Variants in GRM1 observed in about 807,000 individuals in gnomAD.
The protein encoded by GRM1 is glutamate metabotropic receptor 1.
Under a neutral mutation model 90.9 loss-of-function variants are expected in GRM1, and 33 were observed. The observed-to-expected ratio is 0.36, with a 90% CI of 0.28 to 0.49. The LOEUF (loss-of-function observed/expected upper bound fraction) is 0.49. Ranked by LOEUF, GRM1 falls within the 20% of genes least tolerant of loss-of-function variation. The probability of loss-of-function intolerance (pLI) is 0.99; values close to 1 mark genes in which losing one functional copy is unlikely to be tolerated. For synonymous variants in GRM1, 700 were observed against 613.2 expected, an observed-to-expected ratio of 1.14 and a Z score of -2.09; for missense variants, 1,190 against 1,534.3, an observed-to-expected ratio of 0.78 and a Z score of 3.75.
chr6:146,221,900 T>A (rs1275067603), intron 2 of GRM1, among the ~76,000 whole-genome samples: 1 of 152,172 alleles, frequency 6.6e-6, no homozygotes, highest in East Asian at 1.9e-4. Context: ...CATATAATTT[T>A]TATGTTCCAC....
intron 2 of GRM1, among the ~76,000 whole-genome samples, chr6:146,257,339 T>G (rs1463675829): frequency 2.0e-5 from 3 of 152,086 alleles, no homozygotes; most frequent in African/African-American, 7.2e-5. Flanking sequence ...GCATTGAGTA[T>G]TTAGCAGGGA....
At chr6:146,342,445 G>C (rs577257044) in intron 3 of GRM1, among the ~76,000 whole-genome samples, 1 of 152,216 alleles carries the variant, frequency 6.6e-6, no homozygotes, top group East Asian at 1.9e-4. Flanking sequence ...TGAGTGTAAT[G>C]TTACTCTGGG....
At chr6:146,432,846 A>G (rs144446100) in intron 7 of GRM1, among the ~76,000 whole-genome samples, 1 of 152,332 alleles carries the variant, frequency 6.6e-6, no homozygotes, top group East Asian at 1.9e-4. Context: ...TGTAGGCCAC[A>G]GTACATCTTC....
At position 146,128,553 on chromosome 6, in the gene GRM1, C is replaced by T. The variant is rs199986277; in HGVS notation, c.701-30795C>T. On this transcript the variant is annotated intron_variant, in intron 1 of 7. Coordinates refer to ENST00000282753, the MANE Select transcript of GRM1 (RefSeq NM_001278064.2). The stretch of plus-strand genomic sequence containing the variant: ...TCTAGAGTTTGTACTTTTAATCCTT[C>T]GCAGCAGTTATTTTCAGGATCAAAC... Among the ~76,000 whole-genome samples the T allele has an allele frequency of 1.1e-4, 17 of 152,090 alleles. No individual in the cohort carries two copies. In the East Asian group the frequency reaches 1.4e-3, roughly 12 times the overall value.
At chr6:146,093,099 T>C (rs1776764752) in intron 1 of GRM1, among the ~76,000 whole-genome samples, 1 of 152,132 alleles carries the variant, frequency 6.6e-6, no homozygotes, top group African/African-American at 2.4e-5. Context: ...TAATTTGGAA[T>C]CTTCCTGAGA....
At chr6:146,324,125 A>G (rs1210802188) in intron 3 of GRM1, among the ~76,000 whole-genome samples, 1 of 152,224 alleles carries the variant, frequency 6.6e-6, no homozygotes, top group Non-Finnish European at 1.5e-5. Flanking sequence ...CAGTCTGGCT[A>G]CAGCGGCTTT....
intron 1 of GRM1, among the ~76,000 whole-genome samples, chr6:146,105,930 C>T (rs545017414): frequency 3.9e-5 from 6 of 152,120 alleles, no homozygotes; most frequent in Non-Finnish European, 8.8e-5. Context: ...GGTCTCTCAC[C>T]TCTCAGTCTA....
chr6:146,429,193 G>T (rs577753779), intron 7 of GRM1, among the ~76,000 whole-genome samples: 113 of 152,242 alleles, frequency 7.4e-4, no homozygotes, highest in African/African-American at 2.5e-3. Context: ...AAGGGGAAAA[G>T]GCTAAGATTC....
intron 1 of GRM1, among the ~76,000 whole-genome samples, chr6:146,035,013 T>C (rs1452241842): frequency 6.6e-6 from 1 of 151,926 alleles, no homozygotes; most frequent in Non-Finnish European, 1.5e-5. Context: ...TATTCAATTG[T>C]AGGGAACTGA....
At chr6:146,216,422 C>T (rs1042166219) in intron 2 of GRM1, among the ~76,000 whole-genome samples, 1 of 152,142 alleles carries the variant, frequency 6.6e-6, no homozygotes, top group Non-Finnish European at 1.5e-5. Context: ...GCTTTGAGAA[C>T]AGCATCAAAC....
At chr6:146,141,546 C>G (rs569747596) in intron 1 of GRM1, among the ~76,000 whole-genome samples, 5 of 152,102 alleles carry the variant, frequency 3.3e-5, no homozygotes, top group Non-Finnish European at 7.4e-5. Context: ...AGACTATATT[C>G]TAGATCTTCT....
chr6:146,129,999 G>A (rs1203101770), intron 1 of GRM1, among the ~76,000 whole-genome samples: 1 of 151,842 alleles, frequency 6.6e-6, no homozygotes, highest in African/African-American at 2.4e-5. Flanking sequence ...AATTTCAGAT[G>A]TATTGGCTTT....
intron 3 of GRM1, among the ~76,000 whole-genome samples, chr6:146,340,899 G>A (rs929815974): frequency 3.3e-5 from 5 of 152,142 alleles, no homozygotes; most frequent in Non-Finnish European, 5.9e-5. Flanking sequence ...TATTGAGAAG[G>A]TTGCCTCTTT....
rs117995148 is a variant in GRM1 at position 146,073,663 on chromosome 6, G to A, written c.700+43446G>A. Reference sequence around the variant, plus strand: ...ATTGTAGAGTGTTGTCTGCAAAACTGGTAATGATGGGGGAAATATGACAAA... The same window carrying A: ...ATTGTAGAGTGTTGTCTGCAAAACTAGTAATGATGGGGGAAATATGACAAA... On this transcript the variant is annotated intron_variant, in intron 1 of 7. Transcript: ENST00000282753. Among the ~76,000 whole-genome samples, 611 of 152,122 alleles carry A rather than the reference G, an allele frequency of 4.0e-3. 19 individuals are homozygous for A. The East Asian group carries it at 0.071, about 18-fold the overall frequency.
chr6:146,182,409 A>G (rs763637159), intron 2 of GRM1, among the ~76,000 whole-genome samples: 30 of 152,110 alleles, frequency 2.0e-4, no homozygotes, highest in Non-Finnish European at 2.9e-5. Flanking sequence ...ATCTAATTTC[A>G]TCCCTCAGTT....
chr6:146,090,837 G>A (rs1250012970), intron 1 of GRM1, among the ~76,000 whole-genome samples: 3 of 151,964 alleles, frequency 2.0e-5, no homozygotes, highest in Non-Finnish European at 4.4e-5. Flanking sequence ...TCTGGCCCAT[G>A]GTTTATTACT....
chr6:146,032,090 ATGAAT>A (rs1304933662), intron 1 of GRM1, among the ~76,000 whole-genome samples: 1 of 152,182 alleles, frequency 6.6e-6, no homozygotes, highest in Non-Finnish European at 1.5e-5. Context: ...TTTTTGGAAA[ATGAAT>A]TGAACATGTT....
intron 2 of GRM1, among the ~76,000 whole-genome samples, chr6:146,227,351 C>T (rs1482498164): frequency 6.6e-6 from 1 of 152,094 alleles, no homozygotes; most frequent in Non-Finnish European, 1.5e-5. Flanking sequence ...CTGTAATTTA[C>T]ATTAGGGTTC....
At chr6:146,374,305 C>T (rs962912466) in intron 5 of GRM1, among the ~76,000 whole-genome samples, 1 of 152,028 alleles carries the variant, frequency 6.6e-6, no homozygotes, top group African/African-American at 2.4e-5. Context: ...CAATATTCAT[C>T]AGAAATAATG....
Sources: gnomAD v4.1 joint callset for allele counts (sites outside exome capture counted in the v4.1 genomes callset) on GRCh38, gnomAD v4.1.1 for gene constraint, MANE v1.5 for transcripts, NCBI Gene and HGNC (gene_info 2026-07-23, HGNC 2026-07-21) for gene names.